The following TRPM1 variants were observed in gnomAD, a reference collection of about 807,000 sequenced individuals.
TRPM1 encodes the protein TRPM1-203 APA Isoform, Intron 10.
In TRPM1, 113 loss-of-function variants were observed where a neutral mutation model predicts 149.4. The ratio of observed to expected loss-of-function variants is 0.76; its 90% confidence interval spans 0.65 to 0.88. The LOEUF (loss-of-function observed/expected upper bound fraction) is 0.88, where lower values mean the gene tolerates loss of function less well. Among genes scored for constraint, TRPM1 ranks in the 40% least tolerant of loss-of-function variants. TRPM1 has a pLI of 0.00. For missense variants in TRPM1, 1,976 were observed against 2,038.7 expected (o/e 0.97, Z 0.59); for synonymous variants, 741 against 759.5 (o/e 0.98, Z 0.40).
At chr15:31,150,815 C>T (rs2036291639) in intron 1 of TRPM1, among the ~76,000 whole-genome samples, 1 of 152,106 alleles carries the variant, frequency 6.6e-6, no homozygotes, top group Non-Finnish European at 1.5e-5. Context: ...GACATGCCCA[C>T]AGCTACACAG....
At chr15:31,095,282 G>C (rs2035347291) in intron 1 of TRPM1, among the ~76,000 whole-genome samples, 1 of 152,202 alleles carries the variant, frequency 6.6e-6, no homozygotes, top group Non-Finnish European at 1.5e-5. Context: ...TGGAAGTAAG[G>C]ACAGAGAGAC....
intron 1 of TRPM1, among the ~76,000 whole-genome samples, chr15:31,133,703 G>A (rs2036051450): frequency 6.6e-6 from 1 of 151,524 alleles, no homozygotes; most frequent in African/African-American, 2.4e-5. Flanking sequence ...AAAAAAAATT[G>A]GGAGGGGGTG....
At chr15:31,062,109 C>T (rs1294636682) in intron 9 of TRPM1, among the ~76,000 whole-genome samples, 2 of 152,070 alleles carry the variant, frequency 1.3e-5, no homozygotes, top group African/African-American at 4.8e-5. Flanking sequence ...CAGTCGCCAT[C>T]GGAGATGCAA....
At chr15:31,069,590 G>A in intron 4 of TRPM1, 1 of 1,251,082 alleles carries the variant, frequency 8.0e-7, no homozygotes, top group Non-Finnish European at 1.0e-6. Context: ...AAATGTGAGG[G>A]ACCTTGGTCC....
At chr15:31,019,651 C>T (rs1319395134) in intron 27 of TRPM1, among the ~76,000 whole-genome samples, 1 of 152,158 alleles carries the variant, frequency 6.6e-6, no homozygotes, top group Admixed American at 6.5e-5. Context: ...ATCTGCCCAC[C>T]TCGGCCTCCC....
intron 1 of TRPM1, among the ~76,000 whole-genome samples, chr15:31,112,688 G>A (rs907625387): frequency 2.0e-5 from 3 of 152,110 alleles, no homozygotes; most frequent in Non-Finnish European, 4.4e-5. Flanking sequence ...TCTGCCCAAA[G>A]GTGATATTCT....
chr15:31,085,560 C>T (rs2034977647), intron 1 of TRPM1, among the ~76,000 whole-genome samples: 1 of 152,202 alleles, frequency 6.6e-6, no homozygotes, highest in Non-Finnish European at 1.5e-5. Context: ...GTTGTCATTA[C>T]ATGATTTATA....
At chr15:31,115,114 C>T (rs1449391148) in intron 1 of TRPM1, among the ~76,000 whole-genome samples, 3 of 152,006 alleles carry the variant, frequency 2.0e-5, no homozygotes, top group South Asian at 2.1e-4. Flanking sequence ...AAACATTAGT[C>T]GAGCATGGTG....
At chr15:31,104,316 C>T (rs1387588608), upstream of TRPM1, among the ~76,000 whole-genome samples, 1 of 152,138 alleles carries the variant, frequency 6.6e-6, no homozygotes, top group Admixed American at 6.5e-5. Context: ...CCCAGGCTAG[C>T]AGGGGACACC....
At chr15:31,107,565 C>T (rs1169298395) in intron 1 of TRPM1, among the ~76,000 whole-genome samples, 1 of 152,072 alleles carries the variant, frequency 6.6e-6, no homozygotes, top group African/African-American at 2.4e-5. Flanking sequence ...TTTATTATTT[C>T]CACGCTAGTC....
chr15:31,013,646 A>C (rs2032261238), intron 27 of TRPM1, among the ~76,000 whole-genome samples: 1 of 152,144 alleles, frequency 6.6e-6, no homozygotes, highest in Non-Finnish European at 1.5e-5. Context: ...GTTGAGTATT[A>C]TAATGTGGCA....
intron 1 of TRPM1, among the ~76,000 whole-genome samples, chr15:31,090,404 C>G (rs981317566): frequency 2.0e-5 from 3 of 151,992 alleles, no homozygotes; most frequent in African/African-American, 7.3e-5. Context: ...TTTGGGAAGC[C>G]GAGGCAGGCC....
intron 23 of TRPM1, among the ~76,000 whole-genome samples, chr15:31,029,892 A>T (rs570850170): frequency 8.3e-4 from 124 of 149,274 alleles, no homozygotes; most frequent in Middle Eastern, 3.4e-3. Flanking sequence ...AATTTAATTT[A>T]AAAAAAAAAG....
intron 1 of TRPM1, among the ~76,000 whole-genome samples, chr15:31,156,932 T>TTA (rs1555434403): frequency 2.4e-3 from 344 of 144,342 alleles, no homozygotes; most frequent in African/African-American, 9.5e-3. Context: ...TTACATTTAT[T>TTA]TTTTTTTTTT....
At chr15:31,084,184 T>G (rs559465967) in intron 1 of TRPM1, among the ~76,000 whole-genome samples, 1 of 152,332 alleles carries the variant, frequency 6.6e-6, no homozygotes, top group African/African-American at 2.4e-5. Flanking sequence ...TTTTTCTTTG[T>G]ACTTTCTTTT....
chr15:31,130,437 A>G (rs937492971), intron 1 of TRPM1, among the ~76,000 whole-genome samples: 1 of 152,198 alleles, frequency 6.6e-6, no homozygotes, highest in Admixed American at 6.5e-5. Flanking sequence ...AACAAAGATG[A>G]TAACAGCCCT....
chr15:31,059,767 G>A (rs1156634460), intron 11 of TRPM1, among the ~76,000 whole-genome samples: 1 of 152,140 alleles, frequency 6.6e-6, no homozygotes, highest in East Asian at 1.9e-4. Context: ...CCTTTCATAA[G>A]CAGCAGAGCC....
chr15:31,132,737 C>T (rs909334344), intron 1 of TRPM1, among the ~76,000 whole-genome samples: 10 of 152,278 alleles, frequency 6.6e-5, no homozygotes, highest in African/African-American at 2.4e-4. Flanking sequence ...CCCCATGTGT[C>T]ATGGGAGGAA....
chr15:31,052,159 T>C (rs1388622608), intron 11 of TRPM1, among the ~76,000 whole-genome samples: 6 of 152,212 alleles, frequency 3.9e-5, no homozygotes, highest in Non-Finnish European at 7.3e-5. Context: ...AGAGTGACCT[T>C]TAAATATAAA....
Sources: gnomAD v4.1 joint callset for allele counts (sites outside exome capture counted in the v4.1 genomes callset) on GRCh38, gnomAD v4.1.1 for gene constraint, MANE v1.5 for transcripts, NCBI Gene and HGNC (gene_info 2026-07-23, HGNC 2026-07-21) for gene names.